ZBBX: variants seen among roughly 807,000 people sequenced by gnomAD.
ZBBX encodes zinc finger B-box domain-containing protein 1.
Under a neutral mutation model 108.5 loss-of-function variants are expected in ZBBX, and 101 were observed. That is an observed-to-expected ratio of 0.93 (90% confidence interval 0.79 to 1.10). The LOEUF (loss-of-function observed/expected upper bound fraction) is 1.10. Ranked by LOEUF, ZBBX falls within the 50% of genes least tolerant of loss-of-function variation. ZBBX has a pLI of 0.00. For missense variants in ZBBX, 1,009 were observed against 941.4 expected (o/e 1.07, Z -0.94); for synonymous variants, 356 against 323.4 (o/e 1.10, Z -1.08).
intron 12 of ZBBX, among the ~76,000 whole-genome samples, chr3:167,320,105 A>G (rs987553463): frequency 6.6e-6 from 1 of 151,894 alleles, no homozygotes; most frequent in Non-Finnish European, 1.5e-5. Context: ...GATCACACCT[A>G]GAGTCCAGAT....
intron 20 of ZBBX, among the ~76,000 whole-genome samples, chr3:167,274,708 T>TG (rs1727171157): frequency 6.6e-6 from 1 of 152,178 alleles, no homozygotes; most frequent in Non-Finnish European, 1.5e-5. Context: ...ATCGTTCCCT[T>TG]GAAACTGCAC....
the ZBBX span, among the ~76,000 whole-genome samples, chr3:167,194,250 ATG>A: frequency 6.7e-6 from 1 of 149,122 alleles, no homozygotes; most frequent in Non-Finnish European, 1.5e-5. Flanking sequence ...ATATATATAT[ATG>A]TATATTCATT....
At chr3:167,382,407 G>A (rs373276637), upstream of ZBBX, among the ~76,000 whole-genome samples, 506 of 152,258 alleles carry the variant, frequency 3.3e-3, 2 homozygotes, top group Middle Eastern at 6.8e-3. Flanking sequence ...CAGCAATGCC[G>A]CACACAGTTT....
At chr3:167,403,228 C>T (rs1349337092) in intron 1 of ZBBX, among the ~76,000 whole-genome samples, 11 of 152,078 alleles carry the variant, frequency 7.2e-5, no homozygotes, top group Admixed American at 6.6e-4. Flanking sequence ...GAGGGAGTAA[C>T]AATCTCATTA....
intron 10 of ZBBX, among the ~76,000 whole-genome samples, chr3:167,328,663 C>T (rs1737847804): frequency 6.6e-6 from 1 of 152,124 alleles, no homozygotes; most frequent in South Asian, 2.1e-4. Context: ...ACCAGCTAGT[C>T]TCACATTCTT....
At chr3:167,385,624 T>G (rs902274520) in intron 1 of ZBBX, among the ~76,000 whole-genome samples, 1 of 151,880 alleles carries the variant, frequency 6.6e-6, no homozygotes, top group South Asian at 2.1e-4. Flanking sequence ...GTACACAAAA[T>G]TTTTTTTCCT....
chr3:167,222,530 G>T, the ZBBX span, among the ~76,000 whole-genome samples: 1 of 151,730 alleles, frequency 6.6e-6, no homozygotes, highest in Non-Finnish European at 1.5e-5. Flanking sequence ...GGGTGACTAT[G>T]TCAACAATTT....
intron 9 of ZBBX, among the ~76,000 whole-genome samples, chr3:167,346,499 A>G (rs1404236094): frequency 1.3e-5 from 2 of 151,924 alleles, no homozygotes; most frequent in African/African-American, 4.8e-5. Context: ...ACAGTTTACA[A>G]CTATCAAATT....
chr3:167,391,911 A>G (rs1047300770), intron 1 of ZBBX, among the ~76,000 whole-genome samples: 3 of 151,894 alleles, frequency 2.0e-5, no homozygotes, highest in South Asian at 2.1e-4. Flanking sequence ...TATATCTACA[A>G]TCCTATAAAG....
At chr3:167,264,818 C>T (rs1260393488) in intron 20 of ZBBX, among the ~76,000 whole-genome samples, 3 of 152,192 alleles carry the variant, frequency 2.0e-5, no homozygotes, top group Non-Finnish European at 4.4e-5. Flanking sequence ...CTCTTCTCTT[C>T]CCTTTCTATA....
At chr3:167,214,096 A>C in the ZBBX span, among the ~76,000 whole-genome samples, 1 of 152,176 alleles carries the variant, frequency 6.6e-6, no homozygotes, top group African/African-American at 2.4e-5. Context: ...TTCAACACAC[A>C]GACTAGTGTC....
the ZBBX span, among the ~76,000 whole-genome samples, chr3:167,180,916 C>A: frequency 6.6e-6 from 1 of 152,206 alleles, no homozygotes; most frequent in Non-Finnish European, 1.5e-5. Flanking sequence ...CAACATTCCC[C>A]ATTTACCTGA....
At position 167,240,937 on chromosome 3, in the gene ZBBX, G is replaced by T. The variant is rs372689814; in HGVS notation, c.2394-18C>A. On this transcript the variant is annotated intron_variant, in intron 21 of 21. Coordinates refer to ENST00000675490, the MANE Select transcript of ZBBX (RefSeq NM_001199201.2). Reference sequence around the variant, plus strand: ...CAGAACAGCTGAAAATACATAACAAGATCAATACACAATATACAGAACCGG... The same window carrying T: ...CAGAACAGCTGAAAATACATAACAATATCAATACACAATATACAGAACCGG... 6.2e-7 allele frequency: 1 copy of T among 1,611,092 alleles called. No individual in the cohort carries two copies. Among genetic ancestry groups the T allele is most frequent in the South Asian group, 1.1e-5 (1 of 90,932 alleles).
chr3:167,345,189 A>G (rs915841360), intron 9 of ZBBX, among the ~76,000 whole-genome samples: 3 of 151,914 alleles, frequency 2.0e-5, no homozygotes, highest in African/African-American at 7.2e-5. Flanking sequence ...TGATTTATAC[A>G]GCACAGGTAC....
upstream of ZBBX, among the ~76,000 whole-genome samples, chr3:167,381,646 C>T (rs575348852): frequency 1.3e-5 from 2 of 152,164 alleles, no homozygotes; most frequent in Non-Finnish European, 2.9e-5. Context: ...TACAGGCGCG[C>T]TCTTCAAATT....
At chr3:167,287,927 A>G (rs565299314) in intron 19 of ZBBX, among the ~76,000 whole-genome samples, 3 of 152,144 alleles carry the variant, frequency 2.0e-5, no homozygotes, top group Admixed American at 6.6e-5. Flanking sequence ...TTAGGGCAAG[A>G]GAGACATATA....
intron 20 of ZBBX, among the ~76,000 whole-genome samples, chr3:167,263,666 G>A (rs1330968644): frequency 6.6e-6 from 1 of 152,184 alleles, no homozygotes; most frequent in Non-Finnish European, 1.5e-5. Context: ...TAATCCATGT[G>A]CAGAGGAGAA....
the ZBBX span, among the ~76,000 whole-genome samples, chr3:167,183,946 A>G: frequency 6.6e-6 from 1 of 152,228 alleles, no homozygotes; most frequent in Non-Finnish European, 1.5e-5. Flanking sequence ...ACTGATTCTT[A>G]GACTTATTTT....
chr3:167,343,174 T>C (rs1339444485), intron 9 of ZBBX, among the ~76,000 whole-genome samples: 1 of 151,920 alleles, frequency 6.6e-6, no homozygotes, highest in African/African-American at 2.4e-5. Context: ...ATTGTTGGCA[T>C]TTAATGTGAT....
Sources: allele counts gnomAD v4.1 joint callset (sites outside exome capture counted in the v4.1 genomes callset), GRCh38; gene constraint gnomAD v4.1.1; transcripts MANE v1.5; gene names NCBI Gene and HGNC (gene_info 2026-07-23, HGNC 2026-07-21).